ERBB4: variants seen among roughly 807,000 people sequenced by gnomAD.
ERBB4 encodes erb-b2 receptor tyrosine kinase 4.
ERBB4 carries 42 observed loss-of-function variants against 158.0 expected under a neutral mutation model. The ratio of observed to expected loss-of-function variants is 0.27; its 90% CI spans 0.21 to 0.34. The LOEUF is 0.34. ERBB4 is among the 10% of genes least tolerant of loss of function. The pLI is 1.00. For synonymous variants in ERBB4, 583 were observed against 558.7 expected, an observed-to-expected ratio of 1.04 and a Z score of -0.61; for missense variants, 1,333 against 1,624.1, an observed-to-expected ratio of 0.82 and a Z score of 3.08.
chr2:211,653,738 G>A (rs1191084359), intron 16 of ERBB4, among the ~76,000 whole-genome samples: 1 of 151,952 alleles, frequency 6.6e-6, no homozygotes, highest in African/African-American at 2.4e-5. Context: ...GTAGTGACAC[G>A]ACCTCGGCTC....
chr2:212,197,561 T>C (rs2082465803), intron 1 of ERBB4, among the ~76,000 whole-genome samples: 1 of 152,174 alleles, frequency 6.6e-6, no homozygotes, highest in Non-Finnish European at 1.5e-5. Context: ...TACAGAACTA[T>C]GTTATTAATC....
chr2:211,867,358 T>A (rs1414463380), intron 3 of ERBB4, among the ~76,000 whole-genome samples: 1 of 152,150 alleles, frequency 6.6e-6, no homozygotes, highest in Non-Finnish European at 1.5e-5. Flanking sequence ...GAATTGAAAA[T>A]TTCTGCAAAT....
intron 1 of ERBB4, among the ~76,000 whole-genome samples, chr2:212,309,580 T>C (rs1353735628): frequency 1.3e-5 from 2 of 150,780 alleles, no homozygotes; most frequent in African/African-American, 4.8e-5. Flanking sequence ...TTTGTTATCA[T>C]TCCCTAGCAT....
intron 1 of ERBB4, among the ~76,000 whole-genome samples, chr2:212,411,536 C>G (rs1469132808): frequency 6.6e-6 from 1 of 152,152 alleles, no homozygotes; most frequent in East Asian, 1.9e-4. Context: ...CTAGAATATG[C>G]GTCTACCTCT....
At chr2:212,044,585 C>A (rs772170985) in intron 2 of ERBB4, among the ~76,000 whole-genome samples, 8 of 152,132 alleles carry the variant, frequency 5.3e-5, no homozygotes, top group Non-Finnish European at 1.0e-4. Flanking sequence ...TTAACATCTA[C>A]TAGCTTTTAT....
intron 5 of ERBB4, 123 bp downstream of exon 5, chr2:211,750,516 A>T (rs917065852): frequency 3.6e-6 from 3 of 844,176 alleles, no homozygotes; most frequent in Non-Finnish European, 6.1e-6. Flanking sequence ...GGCCCAAAGC[A>T]AATCAACCAC....
intron 1 of ERBB4, among the ~76,000 whole-genome samples, chr2:212,191,265 C>T (rs1194020072): frequency 6.6e-6 from 1 of 152,002 alleles, no homozygotes; most frequent in African/African-American, 2.4e-5. Flanking sequence ...TCTAACCATT[C>T]CCCAGATGAT....
chr2:212,024,721 T>C (rs1455728138), intron 2 of ERBB4, among the ~76,000 whole-genome samples: 1 of 151,888 alleles, frequency 6.6e-6, no homozygotes, highest in Non-Finnish European at 1.5e-5. Context: ...ATGTGACATA[T>C]TCAACGACAT....
chr2:211,431,231 T>A (rs572758671), intron 20 of ERBB4, 131 bp from the exon 21 acceptor site: 1 of 804,358 alleles, frequency 1.2e-6, no homozygotes, highest in African/African-American at 1.7e-5. Flanking sequence ...CTAGAATATT[T>A]TCAAAATTAG....
At chr2:212,031,931 T>A (rs918237820) in intron 2 of ERBB4, among the ~76,000 whole-genome samples, 1 of 152,040 alleles carries the variant, frequency 6.6e-6, no homozygotes, top group Non-Finnish European at 1.5e-5. Context: ...CAATCCCTGG[T>A]GAGTTTAGAG....
intron 1 of ERBB4, among the ~76,000 whole-genome samples, chr2:212,207,602 T>C (rs1295418089): frequency 2.0e-5 from 3 of 152,112 alleles, no homozygotes; most frequent in African/African-American, 4.8e-5. Flanking sequence ...CAGTGAAAAT[T>C]TGTTAGGGTT....
intron 2 of ERBB4, among the ~76,000 whole-genome samples, chr2:212,074,568 G>A (rs770584949): frequency 6.6e-6 from 1 of 151,870 alleles, no homozygotes; most frequent in Non-Finnish European, 1.5e-5. Context: ...TCAACAGGTT[G>A]GCAGGTATTT....
At chr2:212,376,545 C>A (rs1342127151) in intron 1 of ERBB4, among the ~76,000 whole-genome samples, 1 of 152,044 alleles carries the variant, frequency 6.6e-6, no homozygotes, top group African/African-American at 2.4e-5. Context: ...ATTCCTCTCA[C>A]CAAACAAAGG....
Position 211,722,481 on chromosome 2 carries a change from G to C in ERBB4, c.795C>G (p.Thr265=). The C allele has an allele frequency of 6.2e-7, 1 of 1,613,938 alleles. No individual in the cohort carries two copies. Among genetic ancestry groups the C allele is most frequent in the Non-Finnish European group, 8.5e-7 (1 of 1,179,848 alleles). The change falls in exon 7 of 28, where the codon ACC becomes ACG. Residue 265 remains threonine (T), a synonymous_variant. Transcript: ENST00000342788. ...GAAAGGTGGTTGGATTGTAGACAAA[G>C]GTTTGGGGACACTGAGTAACACATG... ...SGACVTQCPQ[T]FVYNPTTFQL...
At chr2:212,482,265 T>C (rs1982717) in intron 1 of ERBB4, among the ~76,000 whole-genome samples, 24,130 of 152,198 alleles carry the variant, frequency 0.16, 2,420 homozygotes, top group Non-Finnish European at 0.23. Flanking sequence ...GCTGATTGAA[T>C]GTGTTAAAGT....
chr2:211,772,955 A>ATATATATATATAT (rs1553630145), intron 4 of ERBB4, among the ~76,000 whole-genome samples: 11 of 83,302 alleles, frequency 1.3e-4, no homozygotes, highest in African/African-American at 5.5e-4. Flanking sequence ...ATATATATAT[A>ATATATATATATAT]TTTTTTTTTT....
chr2:212,011,225 A>G (rs1355189929), intron 2 of ERBB4, among the ~76,000 whole-genome samples: 2 of 152,172 alleles, frequency 1.3e-5, no homozygotes, highest in African/African-American at 4.8e-5. Context: ...GAATTGATAA[A>G]TGTCCACGAA....
intron 1 of ERBB4, among the ~76,000 whole-genome samples, chr2:212,399,225 G>A (rs2091120453): frequency 6.6e-6 from 1 of 151,898 alleles, no homozygotes; most frequent in African/African-American, 2.4e-5. Context: ...TTATAGGTGC[G>A]AGCCACTGCA....
intron 3 of ERBB4, among the ~76,000 whole-genome samples, chr2:211,855,093 T>G (rs1160935093): frequency 1.3e-5 from 2 of 152,132 alleles, no homozygotes; most frequent in Admixed American, 6.5e-5. Flanking sequence ...TTTTTCTGAT[T>G]AGTAATTATG....
Sources: gnomAD v4.1 joint callset for allele counts (sites outside exome capture counted in the v4.1 genomes callset) on GRCh38, gnomAD v4.1.1 for gene constraint, MANE v1.5 for transcripts, NCBI Gene and HGNC (gene_info 2026-07-23, HGNC 2026-07-21) for gene names.